EYS: variants seen among roughly 807,000 people sequenced by gnomAD.
EYS encodes the protein EGF-like photoreceptor maintenance factor.
Under a neutral mutation model 282.1 loss-of-function variants are expected in EYS, and 250 were observed. The observed-to-expected ratio is 0.89, with a 90% CI of 0.80 to 0.98. The LOEUF (loss-of-function observed/expected upper bound fraction) is 0.98, where lower values mean the gene tolerates loss of function less well. Ranked by LOEUF, EYS falls within the 50% of genes least tolerant of loss-of-function variation. The pLI is 0.00. For synonymous variants in EYS, 1,355 were observed against 1,282.9 expected (o/e 1.06, Z -1.20); for missense variants, 4,016 against 3,709.0 (o/e 1.08, Z -2.15).
chr6:65,403,674 AGAGAATATTAAATAAT>A (rs1766604302), intron 6 of EYS, among the ~76,000 whole-genome samples: 3 of 151,990 alleles, frequency 2.0e-5, no homozygotes, highest in African/African-American at 4.8e-5. Context: ...AATGAATAAT[AGAGAATATTAAATAAT>A]GAGAATATTA....
intron 28 of EYS, among the ~76,000 whole-genome samples, chr6:64,394,466 A>C (rs1302126358): frequency 6.6e-6 from 1 of 152,200 alleles, no homozygotes; most frequent in East Asian, 1.9e-4. Context: ...GAGCCCTCCG[A>C]AATAACGCCG....
chr6:64,454,833 T>C (rs186785159), intron 26 of EYS, among the ~76,000 whole-genome samples: 183 of 152,280 alleles, frequency 1.2e-3, no homozygotes, highest in African/African-American at 4.3e-3. Context: ...TTTTATCTTC[T>C]TGTATGTGGA....
At chr6:63,737,306 G>A (rs1309492520) in intron 41 of EYS, among the ~76,000 whole-genome samples, 2 of 152,170 alleles carry the variant, frequency 1.3e-5, no homozygotes, top group African/African-American at 4.8e-5. Flanking sequence ...AAGTGTTGTT[G>A]AATTTTGTCA....
At chr6:64,243,381 T>C (rs1766900147) in intron 30 of EYS, among the ~76,000 whole-genome samples, 1 of 152,208 alleles carries the variant, frequency 6.6e-6, no homozygotes, top group Admixed American at 6.5e-5. Context: ...TAAAGTTCTA[T>C]CAGCATAGAC....
chr6:65,021,546 T>C (rs1192128667), intron 13 of EYS, among the ~76,000 whole-genome samples: 1 of 152,218 alleles, frequency 6.6e-6, no homozygotes, highest in African/African-American at 2.4e-5. Flanking sequence ...TTCATGTCTC[T>C]AAGAAGTTCC....
chr6:65,328,139 T>G (rs965379033), intron 11 of EYS, among the ~76,000 whole-genome samples: 22 of 151,478 alleles, frequency 1.5e-4, no homozygotes, highest in Non-Finnish European at 2.2e-4. Context: ...CCTGAACTGT[T>G]CTGTGCATTG....
At chr6:65,283,473 G>A (rs780887499) in intron 12 of EYS, among the ~76,000 whole-genome samples, 1 of 151,750 alleles carries the variant, frequency 6.6e-6, no homozygotes, top group Non-Finnish European at 1.5e-5. Context: ...GTGACTATTT[G>A]TTAATAACAT....
intron 21 of EYS, among the ~76,000 whole-genome samples, chr6:64,815,398 T>C (rs1764717720): frequency 6.6e-6 from 1 of 152,066 alleles, no homozygotes; most frequent in Non-Finnish European, 1.5e-5. Context: ...AAACATTACA[T>C]AAACTAATTG....
At chr6:64,747,795 C>T (rs1772607452) in intron 22 of EYS, among the ~76,000 whole-genome samples, 1 of 152,344 alleles carries the variant, frequency 6.6e-6, no homozygotes, top group Admixed American at 6.5e-5. Context: ...GTTCTTTATA[C>T]TTGTGCTTTA....
intron 14 of EYS, among the ~76,000 whole-genome samples, chr6:64,947,531 C>T (rs1184896725): frequency 6.6e-6 from 1 of 151,756 alleles, no homozygotes; most frequent in Admixed American, 6.6e-5. Context: ...TTTAAGGGTA[C>T]TCCAGTTTTG....
intron 30 of EYS, among the ~76,000 whole-genome samples, chr6:64,299,343 T>G (rs1421321058): frequency 1.3e-5 from 2 of 152,202 alleles, no homozygotes; most frequent in Admixed American, 1.3e-4. Flanking sequence ...AGTCAGAGTG[T>G]GCATGCGGCT....
intron 30 of EYS, among the ~76,000 whole-genome samples, chr6:64,238,646 A>T (rs1766689109): frequency 6.6e-6 from 1 of 152,200 alleles, no homozygotes; most frequent in Non-Finnish European, 1.5e-5. Context: ...TGCAAAAATC[A>T]TGATTTTTAA....
intron 12 of EYS, among the ~76,000 whole-genome samples, chr6:65,143,111 G>A (rs1764389293): frequency 6.6e-6 from 1 of 151,846 alleles, no homozygotes; most frequent in South Asian, 2.1e-4. Context: ...GCTAATAACA[G>A]ACCAAAACAG....
intron 5 of EYS, among the ~76,000 whole-genome samples, chr6:65,484,238 A>C (rs183731602): frequency 1.3e-5 from 2 of 152,274 alleles, no homozygotes; most frequent in East Asian, 3.9e-4. Flanking sequence ...AGAAGACAGA[A>C]TATTGCTGAA....
chr6:63,879,399 GA>G (rs1414088513), intron 35 of EYS, among the ~76,000 whole-genome samples: 2 of 152,108 alleles, frequency 1.3e-5, no homozygotes, highest in Non-Finnish European at 1.5e-5. Flanking sequence ...TGGAGAGAGG[GA>G]GAGGCTACTG....
At chr6:64,889,907 C>T (rs559003420) in intron 18 of EYS, among the ~76,000 whole-genome samples, 147 of 152,092 alleles carry the variant, frequency 9.7e-4, no homozygotes, top group African/African-American at 3.2e-3. Context: ...AAACTCTGAC[C>T]GCCGGTGAGC....
At chr6:65,204,585 G>T (rs907237047) in intron 12 of EYS, among the ~76,000 whole-genome samples, 1 of 151,806 alleles carries the variant, frequency 6.6e-6, no homozygotes, top group Non-Finnish European at 1.5e-5. Context: ...CATCATAAAA[G>T]CATATATAAG....
intron 15 of EYS, among the ~76,000 whole-genome samples, chr6:64,925,594 A>G (rs1233591864): frequency 6.6e-6 from 1 of 152,176 alleles, no homozygotes; most frequent in Admixed American, 6.5e-5. Flanking sequence ...GAAATGGGCT[A>G]TGAAGTAGAT....
intron 22 of EYS, among the ~76,000 whole-genome samples, chr6:64,670,072 T>A (rs564202864): frequency 6.6e-6 from 1 of 152,132 alleles, no homozygotes; most frequent in Non-Finnish European, 1.5e-5. Context: ...TTTTGAAATA[T>A]AATCACCATA....
Sources: allele counts gnomAD v4.1 joint callset (sites outside exome capture counted in the v4.1 genomes callset), GRCh38; gene constraint gnomAD v4.1.1; transcripts MANE v1.5; gene names NCBI Gene and HGNC (gene_info 2026-07-23, HGNC 2026-07-21).